LAPTM4A: variants seen among roughly 807,000 people sequenced by gnomAD.
LAPTM4A encodes the protein lysosomal protein transmembrane 4 alpha, also known as lysosomal-associated transmembrane protein 4A.
A neutral mutation model predicts 29.9 loss-of-function variants in LAPTM4A; 19 were observed. That is an observed-to-expected ratio of 0.64 (90% confidence interval 0.44 to 0.93). The LOEUF (loss-of-function observed/expected upper bound fraction) is 0.93. LAPTM4A is among the 40% of genes least tolerant of loss of function. The pLI, the probability that LAPTM4A is intolerant of heterozygous loss-of-function variation, is 0.00. For missense variants in LAPTM4A, 293 were observed against 288.5 expected (o/e 1.02, Z -0.11); for synonymous variants, 105 against 102.1 (o/e 1.03, Z -0.17).
rs1057461635 is a variant in LAPTM4A, at chr2:20,050,284, G to A, written c.111+1126C>T. Among the ~76,000 whole-genome samples, 12 of 152,294 alleles carry A rather than the reference G, an allele frequency of 7.9e-5. No individual in the cohort carries two copies. The South Asian group carries it at 1.2e-3, about 16-fold the overall frequency. On this transcript the variant is annotated intron_variant, in intron 1 of 6. Coordinates refer to ENST00000175091, the MANE Select transcript of LAPTM4A (RefSeq NM_014713.5). ...TCATTTAAGATGATTCTCATCTGGC[G>A]TTTGTCCAAATGCTTACTAATGATT... is the stretch of plus-strand genomic sequence containing the variant.
At chr2:20,039,075 C>A (rs1673739988) in intron 2 of LAPTM4A, among the ~76,000 whole-genome samples, 1 of 151,998 alleles carries the variant, frequency 6.6e-6, no homozygotes. Context: ...CGCCACCAAG[C>A]CCAGCTAATT....
At chr2:20,041,237 T>G (rs1470745425) in intron 1 of LAPTM4A, among the ~76,000 whole-genome samples, 1 of 152,182 alleles carries the variant, frequency 6.6e-6, no homozygotes, top group African/African-American at 2.4e-5. Flanking sequence ...ATTTGAGAGA[T>G]AAGATGCTTA....
chr2:20,035,280 T>C (rs1231561480), intron 4 of LAPTM4A: 4 of 496,870 alleles, frequency 8.1e-6, no homozygotes, highest in Non-Finnish European at 1.1e-5. Context: ...TAACCCACAA[T>C]GCTCCAAAAA....
rs952073485 is a variant in LAPTM4A, at chr2:20,040,932, T to G, written c.191A>C (p.Tyr64Ser). Residue 64 changes from tyrosine (Y) to serine (S), a missense_variant, in exon 2 of 7, where the codon TAT (tyrosine) becomes TCT (serine). Coordinates refer to ENST00000175091, the MANE Select transcript of LAPTM4A (RefSeq NM_014713.5). ...CGAATAGTAATTACCGATGACTTCA[T>G]ACTGAATGTTGACAGCTGGCATGGA... Reference protein sequence around the residue: ...PNSMPAVNIQYEVIGNYYSSE... With the variant: ...PNSMPAVNIQSEVIGNYYSSE... The G allele has an allele frequency of 1.7e-5, 27 of 1,613,760 alleles. No individual in the cohort carries two copies. The highest frequency in any genetic ancestry group is 2.3e-5 in the Non-Finnish European group (27 of 1,179,730).
Position 20,044,057 on chromosome 2 carries a change from T to C in LAPTM4A, c.112-3046A>G, listed in dbSNP as rs546490177. ...TCAGCAGCAAGCCTCTTTCCTTGCATTGTTCAGAGGCAAGGCATGATATCT... is the reference window on the plus strand; with the variant it reads ...TCAGCAGCAAGCCTCTTTCCTTGCACTGTTCAGAGGCAAGGCATGATATCT... On this transcript the variant is annotated intron_variant, in intron 1 of 6. Coordinates refer to ENST00000175091, the MANE Select transcript of LAPTM4A (RefSeq NM_014713.5). Among the ~76,000 whole-genome samples the C allele has an allele frequency of 4.6e-5, 7 of 152,368 alleles. No individual in the cohort carries two copies. The South Asian group carries it at 1.4e-3, about 32-fold the overall frequency.
At chr2:20,049,597 A>G (rs1462914357) in intron 1 of LAPTM4A, among the ~76,000 whole-genome samples, 1 of 152,226 alleles carries the variant, frequency 6.6e-6, no homozygotes, top group East Asian at 1.9e-4. Context: ...CTGAGCCCAC[A>G]GCATCAAAAA....
Position 20,051,469 on chromosome 2 carries a change from G to A in LAPTM4A, c.52C>T (p.Arg18Trp), listed in dbSNP as rs11542927. ...RNRSDRFYST[R>W]CCGCCHVRTG... Reference sequence around the variant, plus strand: ...CGGACATGGCAACAGCCGCAGCACCGGGTGCTGTAGAACCGGTCACTGCGG... The same window carrying A: ...CGGACATGGCAACAGCCGCAGCACCAGGTGCTGTAGAACCGGTCACTGCGG... Residue 18 changes from arginine to tryptophan, a missense_variant, in exon 1 of 7, where the codon CGG becomes TGG. Coordinates refer to ENST00000175091, the MANE Select transcript of LAPTM4A (RefSeq NM_014713.5). The A allele has an allele frequency of 9.3e-6, 15 of 1,613,372 alleles. No homozygotes were observed. Among genetic ancestry groups the A allele is most frequent in the East Asian group, 2.2e-5 (1 of 44,836 alleles).
intron 1 of LAPTM4A, among the ~76,000 whole-genome samples, chr2:20,042,293 T>C (rs1461410125): frequency 2.0e-5 from 3 of 152,184 alleles, no homozygotes; most frequent in East Asian, 1.9e-4. Flanking sequence ...TTTCTGAATA[T>C]CACATGAGAG....
chr2:20,041,133 G>T, intron 1 of LAPTM4A, 122 bp from the exon 2 acceptor site: 1 of 812,020 alleles, frequency 1.2e-6, no homozygotes, highest in Non-Finnish European at 2.0e-6. Context: ...ATATAAAATA[G>T]TGGGAGACTA....
intron 4 of LAPTM4A, among the ~76,000 whole-genome samples, chr2:20,036,407 T>C (rs1436784338): frequency 6.6e-6 from 1 of 152,202 alleles, no homozygotes. Context: ...TTAGTACCCA[T>C]GTGATATCCA....
intron 1 of LAPTM4A, among the ~76,000 whole-genome samples, chr2:20,043,701 A>C (rs1164225807): frequency 6.6e-6 from 1 of 152,222 alleles, no homozygotes; most frequent in Non-Finnish European, 1.5e-5. Flanking sequence ...TGAAATTTGG[A>C]ATCAACCAAT....
Position 20,037,663 on chromosome 2 carries a change from A to G in LAPTM4A, c.233-49T>C, listed in dbSNP as rs546497239. 2.6e-5 allele frequency: 32 copies of G among 1,223,872 alleles called. No individual in the cohort carries two copies. In the South Asian group the frequency reaches 4.1e-4, roughly 16 times the overall value. The allele number at this position is 1,223,872 out of a possible 1,614,324, so 75.8% of individuals were successfully genotyped here. On this transcript the variant is annotated intron_variant, in intron 2 of 6. Coordinates refer to ENST00000175091, the MANE Select transcript of LAPTM4A (RefSeq NM_014713.5). ...TAATTAAGCTACTTACACAACAAAA[A>G]GAACAAAACTTCACTTAAAGCTAGC... is the stretch of plus-strand genomic sequence containing the variant.
At position 20,034,348 on chromosome 2, in the gene LAPTM4A, G is replaced by A. The variant is rs763558069; in HGVS notation, c.596C>T (p.Ala199Val). The A allele has an allele frequency of 6.2e-7, 1 of 1,613,800 alleles. No individual in the cohort carries two copies. Among genetic ancestry groups the A allele is most frequent in the Non-Finnish European group, 8.5e-7 (1 of 1,179,666 alleles). ...AGGTGCTTCAAAGGCAGGGTACACA[G>A]CAATCTCCGGCACGTTTCGGTTGTT... ...YINNRNVPEI[A>V]VYPAFEAPPQ... The change falls in exon 6 of 7, where the codon GCT becomes GTT. Residue 199 changes from alanine (A) to valine (V), a missense_variant. Ala to Val is a moderately conservative substitution (Grantham distance 64). Coordinates refer to ENST00000175091, the MANE Select transcript of LAPTM4A (RefSeq NM_014713.5).
chr2:20,035,644 T>A (rs1252220359), intron 4 of LAPTM4A, among the ~76,000 whole-genome samples: 1 of 152,198 alleles, frequency 6.6e-6, no homozygotes, highest in Non-Finnish European at 1.5e-5. Context: ...CAGCCCTGAC[T>A]GTGTACAAGG....
rs977226190 is a variant in LAPTM4A, at chr2:20,050,233, G to C, written c.111+1177C>G. Among the ~76,000 whole-genome samples, 10 of 152,332 alleles carry C rather than the reference G, an allele frequency of 6.6e-5. 1 individual carries two copies. The highest frequency in any genetic ancestry group is 2.4e-4 in the African/African-American group (10 of 41,566). On this transcript the variant is annotated intron_variant, in intron 1 of 6. Coordinates refer to ENST00000175091, the MANE Select transcript of LAPTM4A (RefSeq NM_014713.5). ...CATGTGGAGTCAGGTAGTCCCCCGG[G>C]GGTGGGCCATGAAACAGTATCTGCC...
chr2:20,033,461 T>C (rs1450877193), intron 6 of LAPTM4A, among the ~76,000 whole-genome samples, 182 bp from the exon 7 acceptor site: 1 of 152,112 alleles, frequency 6.6e-6, no homozygotes, highest in East Asian at 1.9e-4. Context: ...TTTACCAAGA[T>C]TGCTAGCGAA....
chr2:20,043,059 T>A (rs865999792), intron 1 of LAPTM4A, among the ~76,000 whole-genome samples: 69 of 129,520 alleles, frequency 5.3e-4, no homozygotes, highest in African/African-American at 1.8e-3. Flanking sequence ...CCTGCCTCAG[T>A]CCCCGGGGTA....
At chr2:20,042,502 G>C (rs972459566) in intron 1 of LAPTM4A, among the ~76,000 whole-genome samples, 1 of 152,148 alleles carries the variant, frequency 6.6e-6, no homozygotes, top group Non-Finnish European at 1.5e-5. Context: ...CCTGAATTTA[G>C]GATCAGCATG....
chr2:20,046,313 C>T (rs994603635), intron 1 of LAPTM4A, among the ~76,000 whole-genome samples: 3 of 151,750 alleles, frequency 2.0e-5, no homozygotes, highest in Non-Finnish European at 4.4e-5. Context: ...CAAACCTGCA[C>T]GCTGTGGACA....
Sources: gnomAD v4.1 joint callset for allele counts (sites outside exome capture counted in the v4.1 genomes callset) on GRCh38, gnomAD v4.1.1 for gene constraint, MANE v1.5 for transcripts, NCBI Gene and HGNC (gene_info 2026-07-23, HGNC 2026-07-21) for gene names.